ASAP2: variants seen among roughly 807,000 people sequenced by gnomAD.
ASAP2 encodes the protein arf-GAP with SH3 domain, ANK repeat and PH domain-containing protein 2.
Under a neutral mutation model 131.4 loss-of-function variants are expected in ASAP2, and 45 were observed. The ratio of observed to expected loss-of-function variants is 0.34; its 90% CI spans 0.27 to 0.44. The LOEUF (loss-of-function observed/expected upper bound fraction) is 0.44. ASAP2 is among the 20% of genes least tolerant of loss of function. The pLI is 1.00. For synonymous variants in ASAP2, 510 were observed against 503.0 expected, an observed-to-expected ratio of 1.01 and a Z score of -0.19; for missense variants, 1,011 against 1,297.0, an observed-to-expected ratio of 0.78 and a Z score of 3.39.
chr2:9,370,130 A>G (rs754832964), intron 16 of ASAP2, among the ~76,000 whole-genome samples: 60 of 152,138 alleles, frequency 3.9e-4, no homozygotes, highest in African/African-American at 1.4e-3. Flanking sequence ...GAGCCACTGT[A>G]CCTGGCCTAG....
intron 3 of ASAP2, among the ~76,000 whole-genome samples, chr2:9,302,706 C>T (rs1668580239): frequency 6.6e-6 from 1 of 152,108 alleles, no homozygotes; most frequent in African/African-American, 2.4e-5. Context: ...AACTCCTGAC[C>T]TCAAGTGATC....
At chr2:9,219,200 A>G (rs1036700715) in intron 1 of ASAP2, among the ~76,000 whole-genome samples, 3 of 152,214 alleles carry the variant, frequency 2.0e-5, no homozygotes, top group Non-Finnish European at 2.9e-5. Flanking sequence ...ATTTTCTTAT[A>G]TCCAGCGAGC....
chr2:9,377,952 A>G (rs1328357893), intron 18 of ASAP2, among the ~76,000 whole-genome samples: 1 of 152,112 alleles, frequency 6.6e-6, no homozygotes, highest in African/African-American at 2.4e-5. Context: ...TTTCGTAAAC[A>G]TTTGGTTGAT....
chr2:9,361,603 C>G (rs1572546815), intron 15 of ASAP2, among the ~76,000 whole-genome samples: 1 of 151,818 alleles, frequency 6.6e-6, no homozygotes, highest in East Asian at 1.9e-4. Context: ...GGTCTCACTC[C>G]ATGACCCAGG....
chr2:9,215,544 C>T (rs1281899396), intron 1 of ASAP2, among the ~76,000 whole-genome samples: 10 of 151,548 alleles, frequency 6.6e-5, no homozygotes, highest in South Asian at 4.2e-4. Flanking sequence ...TTGAAAGATA[C>T]GATAAATTTC....
intron 1 of ASAP2, among the ~76,000 whole-genome samples, chr2:9,234,672 A>C (rs1312752154): frequency 6.6e-6 from 1 of 152,180 alleles, no homozygotes; most frequent in Non-Finnish European, 1.5e-5. Flanking sequence ...AGGTAGAGCC[A>C]AGGTGAAGGA....
intron 15 of ASAP2, among the ~76,000 whole-genome samples, chr2:9,360,072 A>G (rs981626656): frequency 2.0e-5 from 3 of 152,230 alleles, no homozygotes; most frequent in Non-Finnish European, 4.4e-5. Context: ...TGATGATGGC[A>G]TAGATTGGAG....
chr2:9,215,685 G>C (rs1661971832), intron 1 of ASAP2, among the ~76,000 whole-genome samples: 1 of 140,594 alleles, frequency 7.1e-6, no homozygotes, highest in African/African-American at 2.7e-5. Flanking sequence ...TTTTTTTGGA[G>C]TGATGGATTC....
intron 2 of ASAP2, among the ~76,000 whole-genome samples, chr2:9,289,555 T>C (rs1236184064): frequency 6.6e-6 from 1 of 152,022 alleles, no homozygotes; most frequent in Admixed American, 6.6e-5. Context: ...TAAAAAAAAA[T>C]ATGCAGTAGC....
intron 3 of ASAP2, among the ~76,000 whole-genome samples, chr2:9,303,705 G>A (rs1437869665): frequency 6.6e-6 from 1 of 152,246 alleles, no homozygotes; most frequent in African/African-American, 2.4e-5. Flanking sequence ...CACATTGTTT[G>A]ATCGAGACAA....
chr2:9,294,190 C>T (rs533639202), intron 2 of ASAP2, among the ~76,000 whole-genome samples: 1 of 151,834 alleles, frequency 6.6e-6, no homozygotes, highest in African/African-American at 2.4e-5. Flanking sequence ...GTAGAGACAG[C>T]GTTTCATCAT....
chr2:9,394,838 C>T (rs75228444), intron 24 of ASAP2, among the ~76,000 whole-genome samples: 189 of 152,236 alleles, frequency 1.2e-3, no homozygotes, highest in African/African-American at 4.3e-3. Flanking sequence ...CTGGAGCCTT[C>T]GCTGAAAGGA....
Position 9,207,112 on chromosome 2 carries a change from A to G in ASAP2, c.8A>G (p.Asp3Gly). 6.3e-7 allele frequency: 1 copy of G among 1,592,936 alleles called. No individual in the cohort carries two copies. The change falls in exon 1 of 28, where the codon GAC (aspartate) becomes GGC (glycine). Residue 3 changes from aspartate to glycine, a missense_variant. Around this residue, in one of 2 missense-constraint regions of ASAP2, gnomAD observed 359 missense variants for 598.1 expected, o/e 0.60. Transcript: ENST00000281419. This position sits in a 1 kb window ranked among gnomAD's most constrained non-coding sequence, Gnocchi z 4.1. ...CGCCCTCGCGCCGAGGCGATGCCGG[A>G]CCAGATCTCCGTGTCGGAATTCGTG... Reference protein sequence around the residue: MPDQISVSEFVAE... With the variant: MPGQISVSEFVAE...
chr2:9,263,237 A>T (rs1240004695), intron 1 of ASAP2, among the ~76,000 whole-genome samples: 3 of 150,706 alleles, frequency 2.0e-5, no homozygotes, highest in African/African-American at 7.3e-5. Flanking sequence ...TCCATTTTCT[A>T]CCTCGAGTCT....
rs546839818 is a variant in ASAP2 at position 9,342,679 on chromosome 2, T to C, written c.850-1853T>C. On this transcript the variant is annotated intron_variant, in intron 9 of 27. Coordinates refer to ENST00000281419, the MANE Select transcript of ASAP2 (RefSeq NM_003887.3). ...ATGGGACTTCATTAAAATTAAAAAGTTTTGTGCTTCAGAATCTTTTTTCAA... is the reference window on the plus strand; with the variant it reads ...ATGGGACTTCATTAAAATTAAAAAGCTTTGTGCTTCAGAATCTTTTTTCAA... Among the ~76,000 whole-genome samples the C allele has an allele frequency of 8.5e-5, 13 of 152,204 alleles. No individual in the cohort carries two copies. In the South Asian group the frequency reaches 2.7e-3, roughly 32 times the overall value.
At chr2:9,289,555 T>A (rs1236184064) in intron 2 of ASAP2, among the ~76,000 whole-genome samples, 1 of 152,022 alleles carries the variant, frequency 6.6e-6, no homozygotes, top group Admixed American at 6.6e-5. Flanking sequence ...TAAAAAAAAA[T>A]ATGCAGTAGC....
At chr2:9,318,402 C>A in intron 3 of ASAP2, 122 bp from the exon 4 acceptor site, 1 of 709,864 alleles carries the variant, frequency 1.4e-6, no homozygotes, top group Admixed American at 2.1e-5. Context: ...ACAGTACATG[C>A]ACCGGCCAGG....
chr2:9,401,418 G>T (rs1229389104), intron 27 of ASAP2, 22 bp downstream of exon 27: 1 of 1,611,342 alleles, frequency 6.2e-7, no homozygotes, highest in Admixed American at 1.7e-5. Context: ...GTGGGCCTGG[G>T]AGGTTCCTGG....
intron 15 of ASAP2, among the ~76,000 whole-genome samples, chr2:9,359,668 G>A (rs1000609298): frequency 1.3e-5 from 2 of 152,268 alleles, no homozygotes; most frequent in South Asian, 2.1e-4. Context: ...GGAATTTAAC[G>A]TCAAGAGCAA....
Sources: allele counts gnomAD v4.1 joint callset (sites outside exome capture counted in the v4.1 genomes callset), GRCh38; gene constraint gnomAD v4.1.1; regional missense constraint gnomAD v4.1.1; non-coding constraint Gnocchi (gnomAD v3.1); transcripts MANE v1.5; gene names NCBI Gene and HGNC (gene_info 2026-07-23, HGNC 2026-07-21).